Variants in SMCO4 observed in about 807,000 individuals in gnomAD.
SMCO4 encodes the protein single-pass membrane and coiled-coil domain-containing protein 4.
Under a neutral mutation model 3.6 loss-of-function variants are expected in SMCO4, and 4 were observed. That is an observed-to-expected ratio of 1.11 (90% CI 0.54 to 2.53). The LOEUF is 2.53. SMCO4 is among the 30% of genes most tolerant of loss of function. SMCO4 has a pLI of 0.02. For synonymous variants in SMCO4, 36 were observed against 35.3 expected (o/e 1.02, Z -0.07); for missense variants, 70 against 80.8 (o/e 0.87, Z 0.51).
intron 1 of SMCO4, among the ~76,000 whole-genome samples, chr11:93,512,403 A>G (rs780460578): frequency 7.9e-5 from 12 of 152,204 alleles, no homozygotes; most frequent in Non-Finnish European, 2.9e-5. Context: ...TGCCACATAA[A>G]GAGTGTACAA....
At chr11:93,535,496 C>T (rs1050149334) in intron 1 of SMCO4, 8 of 1,378,684 alleles carry the variant, frequency 5.8e-6, no homozygotes, top group Non-Finnish European at 8.2e-6. Context: ...CGAGCAGCTC[C>T]TGACGGAGCT....
rs1339759992 is a variant in SMCO4, at chr11:93,532,193, TG to T, written c.-154+11082del. The stretch of plus-strand genomic sequence containing the variant: ...TTCACACAGTCATACTAGAATAGGG[TG>T]GGCCCTAATCCAATGACTAGTGTCC... On this transcript the variant is annotated intron_variant, in intron 1 of 2. Coordinates refer to ENST00000298966, the MANE Select transcript of SMCO4 (RefSeq NM_020179.3). Among the ~76,000 whole-genome samples the T allele has an allele frequency of 7.9e-5, 12 of 152,274 alleles. No individual in the cohort carries two copies. The East Asian group carries it at 2.3e-3, about 29-fold the overall frequency.
intron 2 of SMCO4, among the ~76,000 whole-genome samples, chr11:93,494,290 G>A (rs1331026370): frequency 6.6e-6 from 1 of 152,164 alleles, no homozygotes; most frequent in Non-Finnish European, 1.5e-5. Context: ...TTAAAGTCTA[G>A]TTATCATAAA....
rs528957825 is a variant in SMCO4 at position 93,517,925 on chromosome 11, G to A, written c.-153-18577C>T. On this transcript the variant is annotated intron_variant, in intron 1 of 2. Coordinates refer to ENST00000298966, the MANE Select transcript of SMCO4 (RefSeq NM_020179.3). ...CTTTTGCAAGAACACATATGCTGCC[G>A]CTCCAAATTGTTTTTAATTGAAATG... 3.9e-4 allele frequency among the ~76,000 whole-genome samples: 59 copies of A among 152,278 alleles called. 2 individuals are homozygous for A. The South Asian group carries it at 7.7e-3, about 20-fold the overall frequency.
At chr11:93,491,991 C>T (rs765265906) in intron 2 of SMCO4, among the ~76,000 whole-genome samples, 1 of 152,208 alleles carries the variant, frequency 6.6e-6, no homozygotes, top group Non-Finnish European at 1.5e-5. Flanking sequence ...CACCTCTCAG[C>T]TAAATTACAG....
intron 1 of SMCO4, among the ~76,000 whole-genome samples, chr11:93,526,039 C>T (rs768212361): frequency 6.6e-6 from 1 of 152,190 alleles, no homozygotes; most frequent in Non-Finnish European, 1.5e-5. Context: ...GAGGGTTACA[C>T]CTCTCATGAC....
At chr11:93,530,801 T>G (rs1949154912) in intron 1 of SMCO4, among the ~76,000 whole-genome samples, 2 of 152,124 alleles carry the variant, frequency 1.3e-5, no homozygotes, top group African/African-American at 4.8e-5. Context: ...CAGCCCCAAG[T>G]GCACACATTC....
intron 2 of SMCO4, among the ~76,000 whole-genome samples, chr11:93,483,131 G>A (rs1186512974): frequency 6.6e-6 from 1 of 152,090 alleles, no homozygotes; most frequent in Non-Finnish European, 1.5e-5. Context: ...GAGGGTTGGG[G>A]GACTAAAGGC....
At chr11:93,489,080 C>T (rs1035742779) in intron 2 of SMCO4, among the ~76,000 whole-genome samples, 3 of 152,030 alleles carry the variant, frequency 2.0e-5, no homozygotes, top group African/African-American at 7.2e-5. Context: ...AGACAGAAGG[C>T]AGTGAGAGCA....
chr11:93,539,080 CAT>C (rs1399636336), intron 1 of SMCO4, among the ~76,000 whole-genome samples: 17 of 152,132 alleles, frequency 1.1e-4, no homozygotes, highest in African/African-American at 3.6e-4. Flanking sequence ...TGTGAACACA[CAT>C]GTGTTTCTGC....
the SMCO4 span, among the ~76,000 whole-genome samples, chr11:93,550,566 T>C: frequency 9.9e-5 from 15 of 152,136 alleles, no homozygotes; most frequent in Non-Finnish European, 2.1e-4. Context: ...TCCCAGCTAC[T>C]TGGGGGGCTG....
At chr11:93,503,926 A>C (rs1193821187) in intron 1 of SMCO4, among the ~76,000 whole-genome samples, 1 of 152,244 alleles carries the variant, frequency 6.6e-6, no homozygotes, top group Non-Finnish European at 1.5e-5. Flanking sequence ...CACAAGAAAA[A>C]GTATTCATAT....
At chr11:93,493,523 T>C (rs2605608) in intron 2 of SMCO4, among the ~76,000 whole-genome samples, 149,517 of 152,310 alleles carry the variant, frequency 0.98, 73,448 homozygotes, top group East Asian at 1. Flanking sequence ...TCCCTGCCAT[T>C]ACCGAGTCCT....
intron 1 of SMCO4, among the ~76,000 whole-genome samples, chr11:93,521,118 C>A (rs1949054222): frequency 6.6e-6 from 1 of 152,248 alleles, no homozygotes; most frequent in Non-Finnish European, 1.5e-5. Flanking sequence ...CTGGAAGATG[C>A]TGTTTTCTCT....
At chr11:93,534,753 GC>G in intron 1 of SMCO4, among the ~76,000 whole-genome samples, 2 of 152,216 alleles carry the variant, frequency 1.3e-5, no homozygotes, top group African/African-American at 4.8e-5. Flanking sequence ...GCTTTCCGAA[GC>G]CCACTGTGTC....
chr11:93,480,462 C>T (rs935808885), intron 2 of SMCO4, among the ~76,000 whole-genome samples: 2 of 152,210 alleles, frequency 1.3e-5, no homozygotes, highest in Non-Finnish European at 2.9e-5. Context: ...AGCCAAGCCC[C>T]GGCCCATATG....
chr11:93,535,622 C>T, intron 1 of SMCO4: 1 of 1,579,906 alleles, frequency 6.3e-7, no homozygotes. Context: ...TTTGAGCCTG[C>T]AGACAACAAG....
intron 1 of SMCO4, among the ~76,000 whole-genome samples, chr11:93,541,157 G>A (rs1476825669): frequency 2.0e-5 from 3 of 152,174 alleles, no homozygotes; most frequent in Admixed American, 2.0e-4. Context: ...TGTGACCCTG[G>A]CCAAGTCACT....
intron 2 of SMCO4, among the ~76,000 whole-genome samples, chr11:93,483,882 G>A (rs1006523523): frequency 5.9e-5 from 9 of 152,140 alleles, no homozygotes; most frequent in East Asian, 3.9e-4. Context: ...CCCGCCCTTC[G>A]CCCACTTTGT....
Sources: gnomAD v4.1 joint callset for allele counts (sites outside exome capture counted in the v4.1 genomes callset) on GRCh38, gnomAD v4.1.1 for gene constraint, MANE v1.5 for transcripts, NCBI Gene and HGNC (gene_info 2026-07-23, HGNC 2026-07-21) for gene names.